NAALADL2: variants seen among roughly 807,000 people sequenced by gnomAD.
NAALADL2 encodes the protein N-acetylated alpha-linked acidic dipeptidase like 2.
In NAALADL2, 76 loss-of-function variants were observed where a neutral mutation model predicts 87.2. The observed-to-expected ratio is 0.87, with a 90% CI of 0.72 to 1.05. The LOEUF (loss-of-function observed/expected upper bound fraction) is 1.05, where lower values mean the gene tolerates loss of function less well. Among genes scored for constraint, NAALADL2 ranks in the 50% least tolerant of loss-of-function variants. The pLI is 0.00. For missense variants in NAALADL2, 1,089 were observed against 945.8 expected, an observed-to-expected ratio of 1.15 and a Z score of -1.99; for synonymous variants, 354 against 331.0, an observed-to-expected ratio of 1.07 and a Z score of -0.75.
chr3:174,789,304 A>G (rs912383817), intron 3 of NAALADL2, among the ~76,000 whole-genome samples: 3 of 152,158 alleles, frequency 2.0e-5, no homozygotes, highest in Non-Finnish European at 4.4e-5. Context: ...GCATTTTGCC[A>G]CCACCAAAAG....
intron 2 of NAALADL2, among the ~76,000 whole-genome samples, chr3:174,736,254 G>A (rs573522076): frequency 3.7e-4 from 57 of 152,244 alleles, no homozygotes; most frequent in African/African-American, 1.3e-3. Context: ...CAAGGGGCAT[G>A]TTTCGGCCCT....
Position 175,301,455 on chromosome 3 carries a change from C to T in NAALADL2, c.940-22720C>T, listed in dbSNP as rs146632641. Reference sequence around the variant, plus strand: ...AATAAATACATAAATACTGCAAAAACGCATGTAGCTGTCTTTTCTGTTTTG... The same window carrying T: ...AATAAATACATAAATACTGCAAAAATGCATGTAGCTGTCTTTTCTGTTTTG... On this transcript the variant is annotated intron_variant, in intron 4 of 13. Transcript: ENST00000454872. Among the ~76,000 whole-genome samples the T allele has an allele frequency of 7.2e-5, 11 of 152,204 alleles. No individual in the cohort carries two copies. The South Asian group carries it at 8.3e-4, about 11-fold the overall frequency.
At chr3:174,897,959 A>G (rs1731774889) in intron 1 of NAALADL2, among the ~76,000 whole-genome samples, 1 of 143,476 alleles carries the variant, frequency 7.0e-6, no homozygotes, top group Non-Finnish European at 1.5e-5. Context: ...TAAAAATACA[A>G]AAAATTAGCC....
chr3:175,789,578 A>G (rs1464987320), intron 13 of NAALADL2, among the ~76,000 whole-genome samples: 7 of 152,202 alleles, frequency 4.6e-5, no homozygotes, highest in Admixed American at 4.6e-4. Context: ...CATGCCTGCC[A>G]GAACATTCAT....
chr3:175,115,970 A>C (rs2108525976), intron 2 of NAALADL2, among the ~76,000 whole-genome samples: 1 of 152,024 alleles, frequency 6.6e-6, no homozygotes, highest in East Asian at 1.9e-4. Flanking sequence ...TGTAAACTGA[A>C]CCAAAGACAA....
chr3:175,194,737 T>C (rs1560146442), intron 2 of NAALADL2, among the ~76,000 whole-genome samples: 1 of 151,800 alleles, frequency 6.6e-6, no homozygotes, highest in Non-Finnish European at 1.5e-5. Context: ...ATCATTCTTG[T>C]ATTAATATAT....
chr3:174,683,930 A>G (rs1261143719), intron 2 of NAALADL2, among the ~76,000 whole-genome samples: 2 of 151,996 alleles, frequency 1.3e-5, no homozygotes, highest in African/African-American at 4.8e-5. Flanking sequence ...TATATTAGGG[A>G]AAGTTTTAAA....
chr3:175,160,771 T>G (rs1002968084), intron 2 of NAALADL2, among the ~76,000 whole-genome samples: 8 of 152,184 alleles, frequency 5.3e-5, no homozygotes, highest in Admixed American at 1.3e-4. Context: ...TCTAAGAGTT[T>G]CAAAGTTAAA....
intron 1 of NAALADL2, among the ~76,000 whole-genome samples, chr3:174,931,434 AATT>A (rs1317440365): frequency 6.6e-6 from 1 of 152,174 alleles, no homozygotes; most frequent in Admixed American, 6.6e-5. Context: ...CATATCGTAG[AATT>A]ATTATAAAGA....
intron 2 of NAALADL2, among the ~76,000 whole-genome samples, chr3:175,221,085 G>C (rs1743287664): frequency 6.6e-6 from 1 of 151,646 alleles, no homozygotes; most frequent in Admixed American, 6.6e-5. Context: ...TGTAATCTTA[G>C]ATACTTGGGA....
At chr3:175,456,045 C>A (rs1722271344) in intron 6 of NAALADL2, among the ~76,000 whole-genome samples, 1 of 152,008 alleles carries the variant, frequency 6.6e-6, no homozygotes, top group Admixed American at 6.6e-5. Context: ...TGTTATTCTT[C>A]AAATCTCTTT....
In NAALADL2 at chr3:175,324,241, A is replaced by G. The variant is rs1326472774; in HGVS notation, c.1006A>G (p.Lys336Glu). ...LLYIDPCDLP[K>E]TVNPSHDTFM... is the part of the protein sequence containing the mutation. ...GTATATCGATCCTTGTGATTTGCCA[A>G]AGACTGTGAATCCTAGCCATGATAC... The change falls in exon 5 of 14, where the codon AAG (lysine) becomes GAG (glutamate). Residue 336 changes from lysine (K) to glutamate (E), a missense_variant. Transcript: ENST00000454872. The G allele has an allele frequency of 6.2e-7, 1 of 1,613,592 alleles. No homozygotes were observed. Among genetic ancestry groups the G allele is most frequent in the Non-Finnish European group, 8.5e-7 (1 of 1,179,770 alleles).
At chr3:174,607,353 T>C (rs1373446547) in intron 2 of NAALADL2, among the ~76,000 whole-genome samples, 8 of 151,646 alleles carry the variant, frequency 5.3e-5, no homozygotes, top group African/African-American at 1.9e-4. Context: ...AATGCTCCAA[T>C]TAAAAGACAC....
At chr3:175,264,497 A>T (rs1751596498) in intron 4 of NAALADL2, among the ~76,000 whole-genome samples, 3 of 151,800 alleles carry the variant, frequency 2.0e-5, no homozygotes, top group Admixed American at 6.6e-5. Flanking sequence ...ATTACAGACA[A>T]AGTATTAGTC....
At chr3:174,493,884 A>T (rs1373362847) in intron 1 of NAALADL2, among the ~76,000 whole-genome samples, 4 of 152,230 alleles carry the variant, frequency 2.6e-5, no homozygotes, top group Non-Finnish European at 5.9e-5. Context: ...AACTAAACAG[A>T]TAATTAAAAT....
chr3:175,256,442 C>A lies in NAALADL2; in HGVS notation c.851C>A (p.Ala284Glu). Residue 284 changes from alanine to glutamate, a missense_variant, in exon 4 of 14, where the codon GCA becomes GAA. Ala to Glu is a moderately radical substitution (Grantham distance 107). Transcript: ENST00000454872. ...GTCATCGATGTGAGTTATGGAATGG[C>A]AGATGATTTAAAAAGGATTAGGAAA... Reference protein sequence around the residue: ...AEVIDVSYGMADDLKRIRKIK... With the variant: ...AEVIDVSYGMEDDLKRIRKIK... 1.2e-6 allele frequency: 2 copies of A among 1,610,312 alleles called. No individual in the cohort carries two copies. Among genetic ancestry groups the A allele is most frequent in the Non-Finnish European group, 1.7e-6 (2 of 1,178,138 alleles).
At chr3:175,121,692 T>C (rs1013075291) in intron 2 of NAALADL2, among the ~76,000 whole-genome samples, 3 of 151,828 alleles carry the variant, frequency 2.0e-5, no homozygotes, top group Non-Finnish European at 4.4e-5. Flanking sequence ...TTTTAGTTAG[T>C]ACCCTGGGCA....
chr3:175,532,977 C>T (rs926382734), intron 9 of NAALADL2, among the ~76,000 whole-genome samples: 1 of 152,224 alleles, frequency 6.6e-6, no homozygotes, highest in Non-Finnish European at 1.5e-5. Flanking sequence ...CTCCCTAAGC[C>T]TTTGGATCCT....
chr3:175,304,695 T>C (rs1299016173), intron 4 of NAALADL2, among the ~76,000 whole-genome samples: 2 of 152,304 alleles, frequency 1.3e-5, no homozygotes, highest in South Asian at 2.1e-4. Flanking sequence ...ATGGTCAAAC[T>C]ACTCTGGAAA....
Sources: gnomAD v4.1 joint callset for allele counts (sites outside exome capture counted in the v4.1 genomes callset) on GRCh38, gnomAD v4.1.1 for gene constraint, MANE v1.5 for transcripts, NCBI Gene and HGNC (gene_info 2026-07-23, HGNC 2026-07-21) for gene names.